RAD51B: variants seen among roughly 807,000 people sequenced by gnomAD.
RAD51B encodes DNA repair protein RAD51 homolog 2.
A neutral mutation model predicts 42.2 loss-of-function variants in RAD51B; 38 were observed. The ratio of observed to expected loss-of-function variants is 0.90; its 90% CI spans 0.70 to 1.18. The LOEUF is 1.18. Among genes scored for constraint, RAD51B ranks in the 50% most tolerant of loss-of-function variants. The pLI, the probability that RAD51B is intolerant of heterozygous loss-of-function variation, is 0.00. For synonymous variants in RAD51B, 154 were observed against 145.2 expected (o/e 1.06, Z -0.43); for missense variants, 373 against 400.7 (o/e 0.93, Z 0.59).
At chr14:68,104,827 G>A (rs932249106) in intron 7 of RAD51B, among the ~76,000 whole-genome samples, 1 of 152,126 alleles carries the variant, frequency 6.6e-6, no homozygotes. Context: ...TTATTATGCA[G>A]GGTACAGGTT....
At chr14:68,319,844 T>G (rs1302290196) in intron 8 of RAD51B, among the ~76,000 whole-genome samples, 1 of 152,206 alleles carries the variant, frequency 6.6e-6, no homozygotes, top group Non-Finnish European at 1.5e-5. Context: ...ATTTACTGAG[T>G]GCCTAATATG....
At chr14:68,040,163 G>T (rs1171033003) in intron 7 of RAD51B, among the ~76,000 whole-genome samples, 1 of 152,148 alleles carries the variant, frequency 6.6e-6, no homozygotes, top group Non-Finnish European at 1.5e-5. Flanking sequence ...TTAAAGTATA[G>T]CTTCTAAGAC....
intron 7 of RAD51B, among the ~76,000 whole-genome samples, chr14:68,036,214 T>G (rs1219677750): frequency 6.6e-6 from 1 of 152,242 alleles, no homozygotes; most frequent in Non-Finnish European, 1.5e-5. Flanking sequence ...TGTCTCCATC[T>G]TTATTTTTAA....
intron 7 of RAD51B, among the ~76,000 whole-genome samples, chr14:68,145,587 A>G (rs1224371908): frequency 2.0e-5 from 3 of 152,194 alleles, no homozygotes; most frequent in African/African-American, 7.2e-5. Context: ...TAAAATAGGT[A>G]TTTCATTATT....
At chr14:68,654,349 G>T (rs561350870) in intron 11 of RAD51B, among the ~76,000 whole-genome samples, 99 of 152,340 alleles carry the variant, frequency 6.5e-4, no homozygotes, top group African/African-American at 2.2e-3. Context: ...TGAGGCTGTG[G>T]GGACACCTTT....
At chr14:68,534,002 C>G (rs1887466700) in intron 10 of RAD51B, among the ~76,000 whole-genome samples, 1 of 152,068 alleles carries the variant, frequency 6.6e-6, no homozygotes, top group Admixed American at 6.6e-5. Context: ...AAAACAAGGA[C>G]ATGCGAGGAG....
Position 68,317,432 on chromosome 14 carries a change from A to T in RAD51B, c.853+25452A>T, listed in dbSNP as rs149504667. On this transcript the variant is annotated intron_variant, in intron 8 of 10. Transcript: ENST00000471583. ...GTGGTTTCTGTTAAATTTCAGTATG[A>T]TGTCATAAATTCTGTGGTAAAGTGC... Among the ~76,000 whole-genome samples, 123 of 152,308 alleles carry T rather than the reference A, an allele frequency of 8.1e-4. 1 individual carries two copies. The highest frequency in any genetic ancestry group is 2.6e-3 in the African/African-American group (110 of 41,536).
chr14:68,202,801 C>T (rs773292135), intron 7 of RAD51B, among the ~76,000 whole-genome samples: 11 of 151,948 alleles, frequency 7.2e-5, no homozygotes, highest in South Asian at 4.2e-4. Flanking sequence ...AGGCTGGTCT[C>T]GAACTCCCAA....
intron 10 of RAD51B, among the ~76,000 whole-genome samples, chr14:68,542,286 T>A (rs1162857398): frequency 1.3e-5 from 2 of 152,196 alleles, no homozygotes; most frequent in African/African-American, 2.4e-5. Flanking sequence ...AAATATTTGG[T>A]CATTGTCTTC....
At chr14:68,441,818 T>C (rs1226183372) in intron 9 of RAD51B, among the ~76,000 whole-genome samples, 2 of 152,238 alleles carry the variant, frequency 1.3e-5, no homozygotes, top group Non-Finnish European at 2.9e-5. Context: ...TGCCATGCTA[T>C]ACCTCAGTTA....
chr14:68,340,273 C>T (rs1183292966), intron 8 of RAD51B, among the ~76,000 whole-genome samples: 1 of 152,182 alleles, frequency 6.6e-6, no homozygotes, highest in Non-Finnish European at 1.5e-5. Context: ...AGAGAACCTG[C>T]AGACAGGAAT....
At chr14:68,034,754 A>G (rs1263014248) in intron 7 of RAD51B, among the ~76,000 whole-genome samples, 1 of 152,170 alleles carries the variant, frequency 6.6e-6, no homozygotes, top group Non-Finnish European at 1.5e-5. Context: ...AGTTACCCAG[A>G]CGAAGATTAT....
At chr14:68,061,964 T>C (rs2140442241) in intron 7 of RAD51B, among the ~76,000 whole-genome samples, 1 of 152,352 alleles carries the variant, frequency 6.6e-6, no homozygotes, top group Non-Finnish European at 1.5e-5. Flanking sequence ...TGAGCATCTT[T>C]GTCTTGTTCT....
chr14:68,193,080 C>A (rs2079299156), intron 7 of RAD51B, among the ~76,000 whole-genome samples: 1 of 152,044 alleles, frequency 6.6e-6, no homozygotes, highest in South Asian at 2.1e-4. Context: ...TTTTCTTCTT[C>A]ACTTGTTGAT....
At chr14:68,070,441 G>C (rs539007107) in intron 7 of RAD51B, among the ~76,000 whole-genome samples, 11 of 152,184 alleles carry the variant, frequency 7.2e-5, no homozygotes, top group Admixed American at 2.0e-4. Context: ...AATCCATCTT[G>C]AGTTGATTTT....
intron 9 of RAD51B, among the ~76,000 whole-genome samples, chr14:68,415,392 C>T (rs1370784099): frequency 2.6e-5 from 4 of 152,182 alleles, no homozygotes; most frequent in African/African-American, 9.7e-5. Flanking sequence ...GGTTTGGGCA[C>T]TCATTCATTT....
At chr14:68,224,688 T>G (rs2079999822) in intron 7 of RAD51B, among the ~76,000 whole-genome samples, 1 of 152,134 alleles carries the variant, frequency 6.6e-6, no homozygotes, top group South Asian at 2.1e-4. Flanking sequence ...AAAGACATCT[T>G]AAAAAGCTAT....
At chr14:68,050,327 C>T (rs552683609) in intron 7 of RAD51B, among the ~76,000 whole-genome samples, 16 of 151,966 alleles carry the variant, frequency 1.1e-4, no homozygotes, top group Admixed American at 7.9e-4. Context: ...TTGATATTAA[C>T]ATCATTGCAC....
chr14:68,070,778 A>G (rs931178269), intron 7 of RAD51B, among the ~76,000 whole-genome samples: 5 of 148,322 alleles, frequency 3.4e-5, no homozygotes, highest in African/African-American at 7.4e-5. Context: ...TTTGGTTCCA[A>G]TTGAATTTTA....
Sources: allele counts gnomAD v4.1 joint callset (sites outside exome capture counted in the v4.1 genomes callset), GRCh38; gene constraint gnomAD v4.1.1; transcripts MANE v1.5; gene names NCBI Gene and HGNC (gene_info 2026-07-23, HGNC 2026-07-21).